GTF2B: variants seen among roughly 807,000 people sequenced by gnomAD.
GTF2B encodes the protein transcription initiation factor IIB.
In GTF2B, 20 loss-of-function variants were observed where a neutral mutation model predicts 34.6. The observed-to-expected ratio is 0.58, with a 90% CI of 0.41 to 0.84. The LOEUF is 0.84. GTF2B is among the 40% of genes least tolerant of loss of function. The probability of loss-of-function intolerance (pLI) is 0.00; values close to 1 mark genes in which losing one functional copy is unlikely to be tolerated. For synonymous variants in GTF2B, 142 were observed against 132.4 expected (o/e 1.07, Z -0.50); for missense variants, 237 against 393.3 (o/e 0.60, Z 3.36).
chr1:88,864,156 G>C, intron 2 of GTF2B, 42 bp from the exon 3 acceptor site: 1 of 1,603,486 alleles, frequency 6.2e-7, no homozygotes, highest in Non-Finnish European at 8.5e-7. Flanking sequence ...TGTCAAGATA[G>C]GGTTTACTTA....
At chr1:88,891,383 C>A in intron 1 of GTF2B, 100 bp downstream of exon 1, 1 of 841,250 alleles carries the variant, frequency 1.2e-6, no homozygotes, top group East Asian at 2.7e-5. Flanking sequence ...CTCCCATACC[C>A]CTAGGCGCTC....
intron 2 of GTF2B, among the ~76,000 whole-genome samples, chr1:88,872,872 A>G (rs1350413979): frequency 6.6e-6 from 1 of 152,198 alleles, no homozygotes; most frequent in African/African-American, 2.4e-5. Context: ...TAATATTTCA[A>G]TAATAGACCC....
At chr1:88,874,645 G>A (rs1489241252) in intron 2 of GTF2B, among the ~76,000 whole-genome samples, 9 of 151,248 alleles carry the variant, frequency 6.0e-5, no homozygotes, top group African/African-American at 2.2e-4. Flanking sequence ...TCCTCAGAAA[G>A]GAATTTTTAA....
At position 88,880,176 on chromosome 1, in the gene GTF2B, A is replaced by G. The variant is rs576338889; in HGVS notation, c.124+7085T>C. Among the ~76,000 whole-genome samples, 3 of 152,378 alleles carry G rather than the reference A, an allele frequency of 2.0e-5. No homozygotes were observed. The South Asian group carries it at 6.2e-4, about 32-fold the overall frequency. ...ATCTAAAAAGTTTCAGACAATGTAA[A>G]AAATTTTATGGCAAGCATAATCAAT... On this transcript the variant is annotated intron_variant, in intron 2 of 6. Coordinates refer to ENST00000370500, the MANE Select transcript of GTF2B (RefSeq NM_001514.6).
At chr1:88,862,229 T>C (rs1298666830) in intron 3 of GTF2B, among the ~76,000 whole-genome samples, 1 of 152,206 alleles carries the variant, frequency 6.6e-6, no homozygotes, top group African/African-American at 2.4e-5. Context: ...TATTATGTGA[T>C]AAATCTAGCA....
At chr1:88,881,700 A>G (rs927763998) in intron 2 of GTF2B, among the ~76,000 whole-genome samples, 1 of 152,220 alleles carries the variant, frequency 6.6e-6, no homozygotes, top group Non-Finnish European at 1.5e-5. Flanking sequence ...ATTTTATGTT[A>G]GAAGAATCAG....
chr1:88,860,403 T>C (rs1019041634), intron 3 of GTF2B, 117 bp from the exon 4 acceptor site: 1 of 688,788 alleles, frequency 1.5e-6, no homozygotes, highest in Non-Finnish European at 2.5e-6. Flanking sequence ...ATCTGAATTG[T>C]GCATCCTGCT....
intron 6 of GTF2B, among the ~76,000 whole-genome samples, chr1:88,856,178 G>A (rs1673298354): frequency 6.9e-6 from 1 of 145,280 alleles, no homozygotes; most frequent in Non-Finnish European, 1.5e-5. Context: ...GCTGAGGCAT[G>A]AGAATAGCTT....
intron 1 of GTF2B, among the ~76,000 whole-genome samples, chr1:88,891,080 G>C (rs1674187758): frequency 7.5e-6 from 1 of 132,650 alleles, no homozygotes; most frequent in Non-Finnish European, 1.6e-5. Context: ...GAGAAATTAC[G>C]GACCCTCGGG....
chr1:88,854,702 C>T (rs560082484), intron 6 of GTF2B, among the ~76,000 whole-genome samples: 41 of 152,274 alleles, frequency 2.7e-4, no homozygotes, highest in African/African-American at 7.9e-4. Flanking sequence ...CACCATGCTG[C>T]CCAGGCTGGT....
intron 1 of GTF2B, among the ~76,000 whole-genome samples, chr1:88,889,091 G>A (rs889616540): frequency 1.3e-5 from 2 of 152,144 alleles, no homozygotes; most frequent in African/African-American, 4.8e-5. Flanking sequence ...GGGGAAGAGA[G>A]GTTAGAACTA....
intron 2 of GTF2B, among the ~76,000 whole-genome samples, chr1:88,870,178 G>T (rs557264799): frequency 1.4e-4 from 22 of 152,114 alleles, no homozygotes; most frequent in Admixed American, 9.2e-4. Context: ...CACCCGCCTT[G>T]GCCTCCCAAA....
chr1:88,881,399 CAT>C (rs555923105), intron 2 of GTF2B, among the ~76,000 whole-genome samples: 118 of 152,234 alleles, frequency 7.8e-4, no homozygotes, highest in African/African-American at 2.6e-3. Context: ...CATCAAGTGA[CAT>C]ATGATTTTAA....
intron 2 of GTF2B, among the ~76,000 whole-genome samples, chr1:88,884,386 G>C (rs1417100648): frequency 6.6e-6 from 1 of 152,160 alleles, no homozygotes; most frequent in Admixed American, 6.5e-5. Flanking sequence ...TAGTCATCAA[G>C]AGCCAAGGAA....
intron 2 of GTF2B, among the ~76,000 whole-genome samples, chr1:88,884,386 G>A (rs1417100648): frequency 6.6e-6 from 1 of 152,160 alleles, no homozygotes; most frequent in African/African-American, 2.4e-5. Context: ...TAGTCATCAA[G>A]AGCCAAGGAA....
chr1:88,866,446 T>C (rs764159737), intron 2 of GTF2B, among the ~76,000 whole-genome samples: 5 of 152,222 alleles, frequency 3.3e-5, no homozygotes, highest in Non-Finnish European at 7.3e-5. Flanking sequence ...TCTCACTCTG[T>C]TGCCCAGGTT....
chr1:88,876,398 C>T (rs113037480), intron 2 of GTF2B, among the ~76,000 whole-genome samples: 2 of 152,068 alleles, frequency 1.3e-5, no homozygotes, highest in South Asian at 2.1e-4. Flanking sequence ...AGGGGGAAGC[C>T]GAACACAGTG....
At chr1:88,864,176 T>C (rs1306036608) in intron 2 of GTF2B, 62 bp from the exon 3 acceptor site, 9 of 1,501,066 alleles carry the variant, frequency 6.0e-6, no homozygotes, top group African/African-American at 1.4e-5. Flanking sequence ...AACTACACTG[T>C]CCAATGCCCA....
intron 2 of GTF2B, among the ~76,000 whole-genome samples, chr1:88,870,411 C>T (rs563616149): frequency 6.6e-6 from 1 of 152,128 alleles, no homozygotes; most frequent in Non-Finnish European, 1.5e-5. Flanking sequence ...TGACACCAAA[C>T]CTATATATTA....
Sources: allele counts gnomAD v4.1 joint callset (sites outside exome capture counted in the v4.1 genomes callset), GRCh38; gene constraint gnomAD v4.1.1; transcripts MANE v1.5; gene names NCBI Gene and HGNC (gene_info 2026-07-23, HGNC 2026-07-21).